The following FBXO42 variants were observed in gnomAD, a reference collection of about 807,000 sequenced individuals.
FBXO42 encodes F-box protein 42.
Under a neutral mutation model 71.7 loss-of-function variants are expected in FBXO42, and 12 were observed. The observed-to-expected ratio is 0.17, with a 90% CI of 0.11 to 0.27. The LOEUF is 0.27. Among genes scored for constraint, FBXO42 ranks in the 10% least tolerant of loss-of-function variants. The probability of loss-of-function intolerance (pLI) is 1.00; values close to 1 mark genes in which losing one functional copy is unlikely to be tolerated. For missense variants in FBXO42, 707 were observed against 911.9 expected, an observed-to-expected ratio of 0.78 and a Z score of 2.89; for synonymous variants, 325 against 327.5, an observed-to-expected ratio of 0.99 and a Z score of 0.08.
intron 2 of FBXO42, among the ~76,000 whole-genome samples, chr1:16,312,937 G>A (rs985807779): frequency 1.3e-5 from 2 of 151,862 alleles, no homozygotes; most frequent in Admixed American, 6.6e-5. Context: ...TAGGACTACA[G>A]GCACCCACCA....
At chr1:16,262,317 C>T (rs2081723614) in intron 4 of FBXO42, among the ~76,000 whole-genome samples, 1 of 152,178 alleles carries the variant, frequency 6.6e-6, no homozygotes, top group African/African-American at 2.4e-5. Flanking sequence ...ACCAAAATGC[C>T]TGGCTCATAT....
intron 1 of FBXO42, among the ~76,000 whole-genome samples, chr1:16,350,755 A>AGACAAG (rs1232930879): frequency 4.2e-5 from 6 of 143,304 alleles, no homozygotes; most frequent in Non-Finnish European, 7.6e-5. Context: ...AAAAAAAAAA[A>AGACAAG]AAAAAGAAAG....
chr1:16,258,577 G>T (rs562666224), intron 4 of FBXO42, among the ~76,000 whole-genome samples: 2 of 151,970 alleles, frequency 1.3e-5, no homozygotes, highest in Non-Finnish European at 2.9e-5. Context: ...GACTGGTCTC[G>T]AACTCATGGG....
intron 4 of FBXO42, among the ~76,000 whole-genome samples, chr1:16,286,544 G>A (rs1034567735): frequency 3.9e-5 from 6 of 152,080 alleles, no homozygotes; most frequent in Non-Finnish European, 8.8e-5. Context: ...TGACACATGG[G>A]GATTATGAGG....
At chr1:16,288,388 C>A (rs1182513520) in intron 4 of FBXO42, among the ~76,000 whole-genome samples, 1 of 151,652 alleles carries the variant, frequency 6.6e-6, no homozygotes, top group Non-Finnish European at 1.5e-5. Flanking sequence ...CCAGATCGCA[C>A]CACTGCACTC....
rs386366300 is a variant in FBXO42, at chr1:16,283,494, G to GTTTTTTTTTTTT, written c.502+11277_502+11288dup. ...TTATAGACTCTTCTAACTGTGGCAAGTTTTTTTTTTTTTTTTTTTTTTTGA... is the reference window on the plus strand; with the variant it reads ...TTATAGACTCTTCTAACTGTGGCAAGTTTTTTTTTTTTTTTTTTTTTTTTTTTTTTTTTTTGA... On this transcript the variant is annotated intron_variant, in intron 4 of 9. Coordinates refer to ENST00000375592, the MANE Select transcript of FBXO42 (RefSeq NM_018994.3). Among the ~76,000 whole-genome samples the GTTTTTTTTTTTT allele has an allele frequency of 5.0e-3, 405 of 80,820 alleles. 10 individuals carry two copies. Among genetic ancestry groups the GTTTTTTTTTTTT allele is most frequent in the East Asian group, 0.016 (26 of 1,670 alleles). The allele number at this position is 80,820 out of a possible 152,430, so 53.0% of individuals were successfully genotyped here.
chr1:16,256,480 C>T lies in FBXO42; in HGVS notation c.656+126G>A, dbSNP rs74999931. 7.7e-3 allele frequency: 7,792 copies of T among 1,008,484 alleles called. 396 individuals are homozygous for T. In the African/African-American group the frequency reaches 0.11, roughly 15 times the overall value. 62.5% of individuals were successfully genotyped at this position (1,008,484 alleles called of 1,614,324 possible). ...ATCTGTGAATATGTGCATTTTTCCC[C>T]TCCTGGGAAAAGAGTCCACAGCTTT... On this transcript the variant is annotated intron_variant, in intron 5 of 9. Coordinates refer to ENST00000375592, the MANE Select transcript of FBXO42 (RefSeq NM_018994.3).
At chr1:16,275,205 A>T (rs2081887400) in intron 4 of FBXO42, among the ~76,000 whole-genome samples, 1 of 152,238 alleles carries the variant, frequency 6.6e-6, no homozygotes, top group Non-Finnish European at 1.5e-5. Context: ...CAAAAAAGGG[A>T]CACAACATAA....
intron 2 of FBXO42, among the ~76,000 whole-genome samples, chr1:16,306,219 A>G (rs555945946): frequency 1.3e-5 from 2 of 152,148 alleles, no homozygotes; most frequent in East Asian, 1.9e-4. Context: ...GGGTTTCACC[A>G]TCTTGGCCAG....
chr1:16,250,584 T>C lies in FBXO42; in HGVS notation c.*86A>G. On this transcript the variant is annotated 3_prime_UTR_variant, in exon 10 of 10. Coordinates refer to ENST00000375592, the MANE Select transcript of FBXO42 (RefSeq NM_018994.3). This position sits in a 1 kb window ranked among gnomAD's most constrained non-coding sequence, Gnocchi z 4.7. ...GAGTTTTGGCTTCTGGGAGTAATTT[T>C]GTTTTCCCAATTCTCAGTCCAAATG... The C allele has an allele frequency of 2.7e-6, 4 of 1,473,522 alleles. No individual in the cohort carries two copies. The highest frequency in any genetic ancestry group is 3.6e-6 in the Non-Finnish European group (4 of 1,102,048). The allele number at this position is 1,473,522 out of a possible 1,614,324, so 91.3% of individuals were successfully genotyped here. A position where few individuals can be genotyped will look rare whatever the true frequency, so the allele number is the denominator to read the frequency against.
At chr1:16,313,324 CAAAGAAAGAAAGAAAGAAAGAAAGAAAG>C (rs57296538) in intron 2 of FBXO42, among the ~76,000 whole-genome samples, 25 of 137,714 alleles carry the variant, frequency 1.8e-4, no homozygotes, top group Admixed American at 1.1e-3. Context: ...GAAAAGAAAA[CAAAGAAAGAAAGAAAGAAAGAAAGAAAG>C]AAAGAAAGAA....
At chr1:16,322,341 G>A (rs1038132138) in intron 1 of FBXO42, among the ~76,000 whole-genome samples, 1 of 152,058 alleles carries the variant, frequency 6.6e-6, no homozygotes, top group South Asian at 2.1e-4. Context: ...ACTTTGGGAG[G>A]CTGAGGTGGG....
intron 1 of FBXO42, 63 bp downstream of exon 1, chr1:16,352,192 C>G: frequency 5.1e-6 from 2 of 392,098 alleles, no homozygotes; most frequent in Middle Eastern, 6.4e-4. Flanking sequence ...TTGCCAGTCC[C>G]GGGCATAAAG....
At chr1:16,326,629 A>G (rs1431192888) in intron 1 of FBXO42, among the ~76,000 whole-genome samples, 1 of 150,804 alleles carries the variant, frequency 6.6e-6, no homozygotes, top group Non-Finnish European at 1.5e-5. Context: ...GGTTGCAGTG[A>G]GCCAAGATCA....
intron 1 of FBXO42, among the ~76,000 whole-genome samples, chr1:16,320,435 T>C (rs1212117458): frequency 6.6e-6 from 1 of 151,938 alleles, no homozygotes; most frequent in Admixed American, 6.6e-5. Context: ...TCCCTCTTAC[T>C]TGTTCCCTTA....
chr1:16,331,011 C>T (rs1325131116), intron 1 of FBXO42, among the ~76,000 whole-genome samples: 1 of 151,782 alleles, frequency 6.6e-6, no homozygotes, highest in East Asian at 1.9e-4. Flanking sequence ...GTCCCAACTA[C>T]TGGGGAGGCT....
intron 1 of FBXO42, among the ~76,000 whole-genome samples, chr1:16,326,967 C>T (rs1010002422): frequency 6.6e-6 from 1 of 152,158 alleles, no homozygotes; most frequent in East Asian, 1.9e-4. Context: ...AACCAGGAAG[C>T]CTGCTCACTT....
chr1:16,250,848 C>T lies in FBXO42; in HGVS notation c.1976G>A (p.Arg659Gln), dbSNP rs201129799. 85 of 1,614,036 alleles carry T rather than the reference C, an allele frequency of 5.3e-5. No individual in the cohort carries two copies. Among genetic ancestry groups the T allele is most frequent in the African/African-American group, 2.4e-4 (18 of 74,902 alleles). ...LDIKDTKEKG[R>Q]VKWKVFNSSS... ...GCTATTAAATACTTTCCATTTGACC[C>T]GCCCCTTCTCCTTGGTGTCTTTAAT... Residue 659 changes from arginine (R) to glutamine (Q), a missense_variant, in exon 10 of 10, where the codon CGG (arginine) becomes CAG (glutamine). Arg to Gln is a conservative substitution (Grantham distance 43). Transcript: ENST00000375592. This position sits in a 1 kb window ranked among gnomAD's most constrained non-coding sequence, Gnocchi z 4.7.
Position 16,315,245 on chromosome 1 carries a change from G to C in FBXO42, c.174C>G (p.Ile58Met). Residue 58 changes from isoleucine (I) to methionine (M), a missense_variant, in exon 2 of 10, where the codon ATC (isoleucine) becomes ATG (methionine). Physicochemically the swap from Ile to Met is conservative, Grantham distance 10 (BLOSUM62 1). Transcript: ENST00000375592. ...CCTGATACGGTGAGAGAAAGGACAG[G>C]ATATACTCCAAAACCTCTTCTGGCA... ...SELPEEVLEY[I>M]LSFLSPYQEH... The C allele has an allele frequency of 6.2e-7, 1 of 1,614,118 alleles. No individual in the cohort carries two copies. The highest frequency in any genetic ancestry group is 8.5e-7 in the Non-Finnish European group (1 of 1,180,002).
Sources: allele counts gnomAD v4.1 joint callset (sites outside exome capture counted in the v4.1 genomes callset), GRCh38; gene constraint gnomAD v4.1.1; non-coding constraint Gnocchi (gnomAD v3.1); transcripts MANE v1.5; gene names NCBI Gene and HGNC (gene_info 2026-07-23, HGNC 2026-07-21).